The following KCNH7 variants were observed in gnomAD, a reference collection of about 807,000 sequenced individuals.
KCNH7 encodes the protein voltage-gated inwardly rectifying potassium channel KCNH7.
A neutral mutation model predicts 120.8 loss-of-function variants in KCNH7; 49 were observed. The observed-to-expected ratio is 0.41, with a 90% CI of 0.32 to 0.51. KCNH7 has a LOEUF of 0.51. KCNH7 is among the 20% of genes least tolerant of loss of function. The pLI is 0.38. For synonymous variants in KCNH7, 547 were observed against 516.1 expected, an observed-to-expected ratio of 1.06 and a Z score of -0.81; for missense variants, 1,097 against 1,446.6, an observed-to-expected ratio of 0.76 and a Z score of 3.92.
chr2:162,548,749 C>T (rs549510696), intron 2 of KCNH7, among the ~76,000 whole-genome samples: 38 of 152,242 alleles, frequency 2.5e-4, no homozygotes, highest in African/African-American at 8.9e-4. Flanking sequence ...TACTTAACTG[C>T]TCTGACACCT....
At chr2:162,432,392 A>G (rs1688098483) in intron 8 of KCNH7, among the ~76,000 whole-genome samples, 2 of 152,040 alleles carry the variant, frequency 1.3e-5, no homozygotes, top group African/African-American at 4.8e-5. Context: ...TACAAATGCT[A>G]CTAAAATAAC....
At chr2:162,512,427 C>T (rs927168301) in intron 5 of KCNH7, among the ~76,000 whole-genome samples, 1 of 151,746 alleles carries the variant, frequency 6.6e-6, no homozygotes, top group African/African-American at 2.4e-5. Flanking sequence ...TCAACCTAGG[C>T]TTATAATTCT....
chr2:162,613,301 A>T (rs1239844762), intron 2 of KCNH7, among the ~76,000 whole-genome samples: 1 of 152,068 alleles, frequency 6.6e-6, no homozygotes, highest in Non-Finnish European at 1.5e-5. Context: ...CATCAATAGA[A>T]GTCAGGAGAC....
intron 2 of KCNH7, among the ~76,000 whole-genome samples, chr2:162,707,518 T>A (rs975215311): frequency 6.6e-6 from 1 of 152,124 alleles, no homozygotes; most frequent in East Asian, 1.9e-4. Context: ...ATTTGTATAA[T>A]TTAATTATGT....
At chr2:162,821,632 C>T (rs1158155183) in intron 2 of KCNH7, among the ~76,000 whole-genome samples, 1 of 152,078 alleles carries the variant, frequency 6.6e-6, no homozygotes. Flanking sequence ...CTGGTTTTTT[C>T]CTATCCCCTT....
chr2:162,590,129 AT>A (rs1164998397), intron 2 of KCNH7, among the ~76,000 whole-genome samples: 2 of 152,086 alleles, frequency 1.3e-5, no homozygotes, highest in African/African-American at 4.8e-5. Context: ...GATATATACA[AT>A]TTTAGAATAC....
chr2:162,726,441 A>G (rs577667940), intron 2 of KCNH7, among the ~76,000 whole-genome samples: 8 of 152,102 alleles, frequency 5.3e-5, no homozygotes, highest in Non-Finnish European at 1.0e-4. Context: ...TATTTTTGAG[A>G]TGGAGTCTTG....
intron 2 of KCNH7, among the ~76,000 whole-genome samples, chr2:162,821,034 C>G (rs1685102385): frequency 6.6e-6 from 1 of 152,130 alleles, no homozygotes; most frequent in Non-Finnish European, 1.5e-5. Flanking sequence ...ACAAAGGTTA[C>G]ACACAATACA....
intron 2 of KCNH7, among the ~76,000 whole-genome samples, chr2:162,708,686 T>C (rs1179748634): frequency 2.0e-5 from 3 of 152,078 alleles, no homozygotes; most frequent in East Asian, 3.9e-4. Context: ...CCACTAGAGA[T>C]AAGTAGAATG....
intron 2 of KCNH7, among the ~76,000 whole-genome samples, chr2:162,678,552 A>G (rs1459974647): frequency 6.6e-6 from 1 of 151,542 alleles, no homozygotes; most frequent in Admixed American, 6.6e-5. Context: ...AATCTGAGAA[A>G]GAGGACACCC....
intron 2 of KCNH7, among the ~76,000 whole-genome samples, chr2:162,824,603 C>T (rs1559151055): frequency 6.6e-6 from 1 of 152,048 alleles, no homozygotes; most frequent in Non-Finnish European, 1.5e-5. Flanking sequence ...TAATCTTTCC[C>T]TACATTCATT....
chr2:162,612,506 C>T (rs144937735), intron 2 of KCNH7, among the ~76,000 whole-genome samples: 1 of 152,094 alleles, frequency 6.6e-6, no homozygotes, highest in African/African-American at 2.4e-5. Context: ...GTCTAGGAGA[C>T]CCCAAATAGT....
chr2:162,575,409 T>C (rs1013431331), intron 2 of KCNH7, among the ~76,000 whole-genome samples: 10 of 152,158 alleles, frequency 6.6e-5, no homozygotes, highest in African/African-American at 2.2e-4. Context: ...CTTTCTAAAG[T>C]CTGGGACTCT....
chr2:162,588,469 G>C (rs780738282), intron 2 of KCNH7, among the ~76,000 whole-genome samples: 2 of 151,946 alleles, frequency 1.3e-5, no homozygotes, highest in Non-Finnish European at 2.9e-5. Flanking sequence ...AACAAAACTT[G>C]GGTGTTTGTC....
intron 2 of KCNH7, among the ~76,000 whole-genome samples, chr2:162,761,411 CTCAAGTTGT>C (rs1688962171): frequency 6.6e-6 from 1 of 152,078 alleles, no homozygotes; most frequent in South Asian, 2.1e-4. Context: ...CAGAGGCTTT[CTCAAGTTGT>C]TCAAGTTGTT....
intron 9 of KCNH7, among the ~76,000 whole-genome samples, chr2:162,401,894 A>T (rs1687073425): frequency 6.6e-6 from 1 of 151,878 alleles, no homozygotes; most frequent in Non-Finnish European, 1.5e-5. Flanking sequence ...TCTTTGCAAT[A>T]TTGAATTTAG....
intron 2 of KCNH7, among the ~76,000 whole-genome samples, chr2:162,660,711 G>T (rs960157369): frequency 4.6e-5 from 7 of 152,018 alleles, no homozygotes; most frequent in Admixed American, 6.6e-5. Context: ...TTTCAGTTTA[G>T]AAATTAATTC....
At chr2:162,810,546 G>A (rs1684701757) in intron 2 of KCNH7, among the ~76,000 whole-genome samples, 1 of 152,054 alleles carries the variant, frequency 6.6e-6, no homozygotes, top group African/African-American at 2.4e-5. Flanking sequence ...TAATAGGAAA[G>A]GTATGTTTAT....
intron 2 of KCNH7, among the ~76,000 whole-genome samples, chr2:162,586,202 C>G (rs1400916981): frequency 6.6e-6 from 1 of 152,076 alleles, no homozygotes; most frequent in Non-Finnish European, 1.5e-5. Flanking sequence ...TAATCCCACT[C>G]TCCTTGAATC....
Sources: gnomAD v4.1 joint callset for allele counts (sites outside exome capture counted in the v4.1 genomes callset) on GRCh38, gnomAD v4.1.1 for gene constraint, MANE v1.5 for transcripts, NCBI Gene and HGNC (gene_info 2026-07-23, HGNC 2026-07-21) for gene names.